TMED10: variants seen among roughly 807,000 people sequenced by gnomAD.
The protein encoded by TMED10 is transmembrane emp24 domain-containing protein 10.
A neutral mutation model predicts 23.1 loss-of-function variants in TMED10; 7 were observed. The observed-to-expected ratio is 0.30, with a 90% CI of 0.17 to 0.57. The LOEUF is 0.57. TMED10 is among the 20% of genes least tolerant of loss of function. The pLI is 0.91. For synonymous variants in TMED10, 113 were observed against 106.9 expected (o/e 1.06, Z -0.35); for missense variants, 162 against 274.8 (o/e 0.59, Z 2.90).
chr14:75,146,243 T>C (rs1195301488), intron 3 of TMED10, among the ~76,000 whole-genome samples: 1 of 152,224 alleles, frequency 6.6e-6, no homozygotes, highest in Non-Finnish European at 1.5e-5. Context: ...TTTCATTCAA[T>C]TGAGGATTTG....
At chr14:75,161,573 C>A (rs898697514) in intron 1 of TMED10, among the ~76,000 whole-genome samples, 1 of 152,160 alleles carries the variant, frequency 6.6e-6, no homozygotes, top group African/African-American at 2.4e-5. Context: ...AACTAACAGA[C>A]TCTTCATTTT....
chr14:75,156,941 G>GAAAAGAAAAGAA (rs1896027184), intron 1 of TMED10, among the ~76,000 whole-genome samples: 1 of 151,438 alleles, frequency 6.6e-6, no homozygotes, highest in African/African-American at 2.4e-5. Context: ...GAAAAGAAAA[G>GAAAAGAAAAGAA]AAAAGAAAAG....
chr14:75,152,106 T>C lies in TMED10; in HGVS notation c.263A>G (p.Glu88Gly). The C allele has an allele frequency of 6.2e-7, 1 of 1,613,992 alleles. No individual in the cohort carries two copies. ...DSAGHILYSK[E>G]DATKGKFAFT... ...GGCAAATTTCCCCTTGGTTGCATCC[T>C]CTTTGGAGTAGAGAATATGGCCAGC... Residue 88 changes from glutamate to glycine, a missense_variant, in exon 2 of 5, where the codon GAG becomes GGG. Glu to Gly is a moderately conservative substitution (Grantham distance 98). Transcript: ENST00000303575.
rs1895715704 is a variant in TMED10 at position 75,133,825 on chromosome 14, G to T, written c.*1060C>A. The T allele has an allele frequency of 5.7e-5, 17 of 299,972 alleles. No homozygotes were observed. In the Middle Eastern group the frequency reaches 2.4e-3, roughly 43 times the overall value. The allele number at this position is 299,972 out of a possible 1,614,324, so 18.6% of individuals were successfully genotyped here. ...TGGAATACTACTCAGCAATCAAAAG[G>T]AACTGCCCCCACTTCACCACGATGC... On this transcript the variant is annotated 3_prime_UTR_variant, in exon 5 of 5. Transcript: ENST00000303575.
intron 1 of TMED10, among the ~76,000 whole-genome samples, chr14:75,153,531 G>C (rs907504881): frequency 6.6e-6 from 1 of 152,176 alleles, no homozygotes; most frequent in Admixed American, 6.5e-5. Context: ...TCTAGAGCAC[G>C]TGGCTGTCTT....
chr14:75,160,525 A>G (rs1050928044), intron 1 of TMED10, among the ~76,000 whole-genome samples: 1 of 152,202 alleles, frequency 6.6e-6, no homozygotes, highest in African/African-American at 2.4e-5. Context: ...CACCTTGGTG[A>G]ATCAATAACT....
At position 75,176,404 on chromosome 14, in the gene TMED10, T is replaced by C. The variant is rs138684608; in HGVS notation, c.176A>G (p.Glu59Gly). The stretch of plus-strand genomic sequence containing the variant: ...AGCGCCCCCAGACTGGTCGGAGATC[T>C]CGTACGCGCCAGTCACTAGCAGGTC... Reference protein sequence around the residue: ...HKDLLVTGAYEISDQSGGAGG... With the variant: ...HKDLLVTGAYGISDQSGGAGG... Residue 59 changes from glutamate to glycine, a missense_variant, in exon 1 of 5, where the codon GAG becomes GGG. Around this residue, in one of 2 missense-constraint regions of TMED10, gnomAD observed 126 missense variants for 239.5 expected, o/e 0.53. Transcript: ENST00000303575. 5.5e-4 allele frequency: 893 copies of C among 1,614,026 alleles called. No homozygotes were observed. The highest frequency in any genetic ancestry group is 6.9e-4 in the South Asian group (63 of 91,090).
intron 3 of TMED10, among the ~76,000 whole-genome samples, chr14:75,141,750 G>A (rs1276396778): frequency 6.6e-6 from 1 of 152,146 alleles, no homozygotes; most frequent in Non-Finnish European, 1.5e-5. Context: ...CTGAATCAAA[G>A]GTGAAATGAA....
chr14:75,143,980 G>A (rs570841751), intron 3 of TMED10, among the ~76,000 whole-genome samples: 10 of 149,796 alleles, frequency 6.7e-5, no homozygotes, highest in Admixed American at 6.0e-4. Context: ...TGGAATCAGA[G>A]TTCCTCCTTC....
chr14:75,154,899 G>A (rs1289737899), intron 1 of TMED10, among the ~76,000 whole-genome samples: 1 of 150,348 alleles, frequency 6.7e-6, no homozygotes, highest in Non-Finnish European at 1.5e-5. Flanking sequence ...TCCTGACCTC[G>A]TGATCCACCT....
chr14:75,163,633 T>C (rs773344745), intron 1 of TMED10, among the ~76,000 whole-genome samples: 1 of 150,048 alleles, frequency 6.7e-6, no homozygotes, highest in Non-Finnish European at 1.5e-5. Context: ...TACAACATAG[T>C]ACTTTTAAGA....
intron 2 of TMED10, among the ~76,000 whole-genome samples, chr14:75,148,578 C>G (rs566127562): frequency 6.6e-6 from 1 of 152,242 alleles, no homozygotes; most frequent in Middle Eastern, 3.4e-3. Flanking sequence ...CCCCAATCCC[C>G]TGGAATTCAC....
At chr14:75,149,408 G>C (rs946274802) in intron 2 of TMED10, among the ~76,000 whole-genome samples, 1 of 152,186 alleles carries the variant, frequency 6.6e-6, no homozygotes, top group African/African-American at 2.4e-5. Context: ...CTCACCAGAT[G>C]TGGCCCCTTG....
intron 1 of TMED10, among the ~76,000 whole-genome samples, chr14:75,175,113 G>GA (rs1053691526): frequency 1.0e-4 from 14 of 137,504 alleles, no homozygotes; most frequent in African/African-American, 2.5e-4. Flanking sequence ...GTGTTACAAA[G>GA]AAAAAAAAAG....
chr14:75,168,014 A>C (rs1050489891), intron 1 of TMED10, among the ~76,000 whole-genome samples: 1 of 152,168 alleles, frequency 6.6e-6, no homozygotes, highest in Admixed American at 6.5e-5. Flanking sequence ...TTATGAAATG[A>C]GTAGGGAAGT....
intron 4 of TMED10, 37 bp downstream of exon 4, chr14:75,135,723 G>T: frequency 6.2e-7 from 1 of 1,604,252 alleles, no homozygotes; most frequent in Non-Finnish European, 8.5e-7. Flanking sequence ...TCTCATTTAT[G>T]GGTCACTTAA....
intron 1 of TMED10, among the ~76,000 whole-genome samples, chr14:75,168,003 T>G (rs1896186100): frequency 6.6e-6 from 1 of 152,190 alleles, no homozygotes; most frequent in Admixed American, 6.5e-5. Flanking sequence ...TTAGCCTCAC[T>G]TTATGAAATG....
chr14:75,161,992 A>G (rs1468524330), intron 1 of TMED10, among the ~76,000 whole-genome samples: 5 of 151,420 alleles, frequency 3.3e-5, no homozygotes, highest in African/African-American at 1.2e-4. Flanking sequence ...CCAGAAAGTA[A>G]GAAGTGCTCA....
chr14:75,164,217 C>T (rs1172737851), intron 1 of TMED10, among the ~76,000 whole-genome samples: 1 of 150,148 alleles, frequency 6.7e-6, no homozygotes, highest in Non-Finnish European at 1.5e-5. Context: ...AGATGCATGC[C>T]ACCATGCCCG....
Sources: allele counts gnomAD v4.1 joint callset (sites outside exome capture counted in the v4.1 genomes callset), GRCh38; gene constraint gnomAD v4.1.1; regional missense constraint gnomAD v4.1.1; transcripts MANE v1.5; gene names NCBI Gene and HGNC (gene_info 2026-07-23, HGNC 2026-07-21).